The following GLUD1 variants were observed in gnomAD, a reference collection of about 807,000 sequenced individuals.
The protein encoded by GLUD1 is glutamate dehydrogenase 1.
Under a neutral mutation model 56.0 loss-of-function variants are expected in GLUD1, and 22 were observed. That is an observed-to-expected ratio of 0.39 (90% confidence interval 0.28 to 0.56). The LOEUF (loss-of-function observed/expected upper bound fraction) is 0.56. Ranked by LOEUF, GLUD1 falls within the 20% of genes least tolerant of loss-of-function variation. GLUD1 has a pLI of 0.58. For missense variants in GLUD1, 451 were observed against 732.0 expected (o/e 0.62, Z 4.43); for synonymous variants, 223 against 269.9 (o/e 0.83, Z 1.70).
At chr10:87,091,755 C>T (rs1484015929) in intron 1 of GLUD1, 1 of 163,894 alleles carries the variant, frequency 6.1e-6, no homozygotes, top group African/African-American at 2.4e-5. Flanking sequence ...TTTGCTTCAA[C>T]CTCAAGAATT....
Position 87,094,814 on chromosome 10 carries a change from C to A in GLUD1, c.-45G>T. On this transcript the variant is annotated 5_prime_UTR_variant, in exon 1 of 13. Coordinates refer to ENST00000277865, the MANE Select transcript of GLUD1 (RefSeq NM_005271.5). This position sits in a 1 kb window ranked among gnomAD's most constrained non-coding sequence, Gnocchi z 6.6. ...GTGCGTGATGGTCGCGAAACAGGCGCGCTTTCTCAGACTCCCCGCGACTAG... is the reference window on the plus strand; with the variant it reads ...GTGCGTGATGGTCGCGAAACAGGCGAGCTTTCTCAGACTCCCCGCGACTAG... 2 of 1,456,892 alleles carry A rather than the reference C, an allele frequency of 1.4e-6. No homozygotes were observed. The highest frequency in any genetic ancestry group is 1.9e-5 in the Admixed American group (1 of 53,474). 90.2% of individuals were successfully genotyped at this position (1,456,892 alleles called of 1,614,324 possible).
At chr10:87,052,914 C>T (rs1845676740) in intron 12 of GLUD1, among the ~76,000 whole-genome samples, 1 of 152,028 alleles carries the variant, frequency 6.6e-6, no homozygotes, top group Admixed American at 6.6e-5. Flanking sequence ...AGAATCTGAA[C>T]CCAAGAAGAA....
intron 5 of GLUD1, among the ~76,000 whole-genome samples, chr10:87,063,806 G>A (rs1358635450): frequency 6.6e-6 from 1 of 152,162 alleles, no homozygotes; most frequent in Non-Finnish European, 1.5e-5. Context: ...AGTATCTTTG[G>A]TAGCAGTGGT....
At chr10:87,074,663 G>C in intron 3 of GLUD1, 49 bp from the exon 4 acceptor site, 1 of 1,031,390 alleles carries the variant, frequency 9.7e-7, no homozygotes, top group Admixed American at 1.7e-5. Flanking sequence ...TATAAAAATC[G>C]CTTGAGATTA....
At chr10:87,065,169 T>C (rs1486297280) in intron 5 of GLUD1, among the ~76,000 whole-genome samples, 1 of 149,886 alleles carries the variant, frequency 6.7e-6, no homozygotes, top group Non-Finnish European at 1.5e-5. Flanking sequence ...GGCAGGCACC[T>C]GTAATCCCAG....
intron 1 of GLUD1, among the ~76,000 whole-genome samples, chr10:87,086,038 A>G (rs1841372635): frequency 6.6e-6 from 1 of 152,116 alleles, no homozygotes; most frequent in South Asian, 2.1e-4. Context: ...AAGGCTTGAA[A>G]CCTCAGCTAT....
intron 1 of GLUD1, among the ~76,000 whole-genome samples, chr10:87,081,166 C>T (rs1422158438): frequency 7.5e-5 from 11 of 146,060 alleles, no homozygotes; most frequent in Admixed American, 5.4e-4. Flanking sequence ...TCCCTCTGCC[C>T]GGCCAGCCGC....
chr10:87,069,087 A>G (rs1846151864), intron 4 of GLUD1, among the ~76,000 whole-genome samples: 1 of 152,028 alleles, frequency 6.6e-6, no homozygotes, highest in African/African-American at 2.4e-5. Flanking sequence ...CAGGTTTCAT[A>G]CAGCATGTAT....
chr10:87,094,821 TCA>T lies in GLUD1; in HGVS notation c.-54_-53del. ...ATGGTCGCGAAACAGGCGCGCTTTC[TCA>T]GACTCCCCGCGACTAGGGAGGAAGG... On this transcript the variant is annotated 5_prime_UTR_variant, in exon 1 of 13. Transcript: ENST00000277865. The surrounding 1 kb of genome is among the most constrained non-coding windows in gnomAD (Gnocchi z 6.6). 1 of 1,388,712 alleles carries T rather than the reference TCA, an allele frequency of 7.2e-7. No homozygotes were observed. Among genetic ancestry groups the T allele is most frequent in the Non-Finnish European group, 9.8e-7 (1 of 1,020,676 alleles). The allele number at this position is 1,388,712 out of a possible 1,614,324, so 86.0% of individuals were successfully genotyped here.
rs1229836346 is a variant in GLUD1 at position 87,093,321 on chromosome 10, TAA to T, written c.445+1002_445+1003del. On this transcript the variant is annotated intron_variant, in intron 1 of 12. Coordinates refer to ENST00000277865, the MANE Select transcript of GLUD1 (RefSeq NM_005271.5). ...GCCTCCCTGGGCTCTTTATTCCATA[TAA>T]TTTTTCTTTTTTACAGTAGACAAAA... Among the ~76,000 whole-genome samples the T allele has an allele frequency of 4.6e-5, 7 of 152,354 alleles. No individual in the cohort carries two copies. The East Asian group carries it at 1.2e-3, about 25-fold the overall frequency.
chr10:87,073,846 G>A (rs1341265066), intron 4 of GLUD1, among the ~76,000 whole-genome samples: 11 of 151,700 alleles, frequency 7.3e-5, no homozygotes, highest in Non-Finnish European at 1.2e-4. Context: ...GAATGGTCTC[G>A]ATCTGACCTC....
At chr10:87,073,610 CTTTTT>C (rs71019462) in intron 4 of GLUD1, among the ~76,000 whole-genome samples, 4 of 74,140 alleles carry the variant, frequency 5.4e-5, no homozygotes, top group Non-Finnish European at 1.0e-4. Flanking sequence ...AATTAACATT[CTTTTT>C]TTTTTTTTTT....
chr10:87,090,078 TA>T (rs1458716779), intron 1 of GLUD1, among the ~76,000 whole-genome samples: 1 of 152,168 alleles, frequency 6.6e-6, no homozygotes, highest in Non-Finnish European at 1.5e-5. Context: ...TTGGGTAAAA[TA>T]AATAGAAAAG....
chr10:87,086,794 G>A (rs1025651364), intron 1 of GLUD1, among the ~76,000 whole-genome samples: 7 of 145,492 alleles, frequency 4.8e-5, no homozygotes, highest in African/African-American at 1.5e-4. Flanking sequence ...TCGCGCCACT[G>A]CACTCCAGCC....
intron 4 of GLUD1, among the ~76,000 whole-genome samples, chr10:87,072,904 G>T (rs1195025878): frequency 6.6e-6 from 1 of 152,188 alleles, no homozygotes; most frequent in Non-Finnish European, 1.5e-5. Context: ...TCCTATAAAA[G>T]TGTGAGCGAG....
chr10:87,052,648 C>A (rs1845665854), intron 12 of GLUD1, among the ~76,000 whole-genome samples: 1 of 89,146 alleles, frequency 1.1e-5, no homozygotes, highest in Non-Finnish European at 2.0e-5. Flanking sequence ...CTAGCCTGGG[C>A]AACAGGGCAA....
At chr10:87,088,118 A>G (rs1350441539) in intron 1 of GLUD1, among the ~76,000 whole-genome samples, 3 of 151,584 alleles carry the variant, frequency 2.0e-5, no homozygotes, top group Non-Finnish European at 4.4e-5. Context: ...TAAACAAACA[A>G]GATTGTCCTT....
chr10:87,066,726 A>G (rs933017281), intron 5 of GLUD1, among the ~76,000 whole-genome samples: 3 of 152,202 alleles, frequency 2.0e-5, no homozygotes, highest in Non-Finnish European at 4.4e-5. Context: ...AACAACTTCT[A>G]GCAATTTATC....
At chr10:87,067,855 C>T in intron 5 of GLUD1, 1 of 533,120 alleles carries the variant, frequency 1.9e-6, no homozygotes, top group Non-Finnish European at 3.4e-6. Context: ...GTTCCAGTGA[C>T]AAGTATAGGG....
Sources: allele counts gnomAD v4.1 joint callset (sites outside exome capture counted in the v4.1 genomes callset), GRCh38; gene constraint gnomAD v4.1.1; non-coding constraint Gnocchi (gnomAD v3.1); transcripts MANE v1.5; gene names NCBI Gene and HGNC (gene_info 2026-07-23, HGNC 2026-07-21).